TTC5: variants seen among roughly 807,000 people sequenced by gnomAD.
TTC5 encodes tetratricopeptide repeat domain 5.
Under a neutral mutation model 57.4 loss-of-function variants are expected in TTC5, and 46 were observed. The ratio of observed to expected loss-of-function variants is 0.80; its 90% CI spans 0.63 to 1.03. The LOEUF (loss-of-function observed/expected upper bound fraction) is 1.03. Among genes scored for constraint, TTC5 ranks in the 50% least tolerant of loss-of-function variants. The pLI is 0.00. For missense variants in TTC5, 504 were observed against 528.1 expected, an observed-to-expected ratio of 0.95 and a Z score of 0.45; for synonymous variants, 190 against 203.5, an observed-to-expected ratio of 0.93 and a Z score of 0.57.
At chr14:20,303,395 A>G (rs1478441111) in intron 1 of TTC5, among the ~76,000 whole-genome samples, 2 of 152,180 alleles carry the variant, frequency 1.3e-5, no homozygotes, top group Non-Finnish European at 2.9e-5. Flanking sequence ...CCAAAATCCA[A>G]AAAACTTCGA....
rs1231629405 is a variant in TTC5, at chr14:20,289,702, T to C, written c.1248A>G (p.Leu416=). The C allele has an allele frequency of 3.1e-6, 5 of 1,613,734 alleles. No homozygotes were observed. The highest frequency in any genetic ancestry group is 3.3e-5 in the Admixed American group (2 of 59,990). Residue 416 remains leucine (L), a synonymous_variant, in exon 10 of 10, where the codon CTA becomes CTG. Coordinates refer to ENST00000258821, the MANE Select transcript of TTC5 (RefSeq NM_138376.3). ...ATCCCTGAGGCTTCCCATTCACCAC[T>C]AGCAGGAGGGGCGTCTCCACTCGAA... ...SSVRVETPLL[L]VVNGKPQGSS...
In TTC5 at chr14:20,295,758, G is replaced by A; in HGVS notation, c.793C>T (p.Gln265Ter). 6.2e-7 allele frequency: 1 copy of A among 1,614,080 alleles called. No individual in the cohort carries two copies. Among genetic ancestry groups the A allele is most frequent in the East Asian group, 2.2e-5 (1 of 44,880 alleles). ...PAWPEPRQREQQLLEFLDRLT... is the reference protein window; with the variant it reads ...PAWPEPRQRE ...CTATCCAGGAATTCCAGAAGTTGTT[G>A]CTCTCGTTGCCGGGGCTCTGGCCAG... Residue 265 changes from glutamine to a stop codon, truncating the protein, a stop_gained, in exon 7 of 10, where the codon CAA (glutamine) becomes TAA (stop). Coordinates refer to ENST00000258821, the MANE Select transcript of TTC5 (RefSeq NM_138376.3). LOFTEE classifies it high-confidence loss of function.
chr14:20,289,403 G>T lies in TTC5; in HGVS notation c.*224C>A, dbSNP rs1180481584. The stretch of plus-strand genomic sequence containing the variant: ...TTAAAACATAGAGAGCAGTGGAAGA[G>T]ACAGGAGAGATATGCCAGAAGAGTA... On this transcript the variant is annotated 3_prime_UTR_variant, in exon 10 of 10. Coordinates refer to ENST00000258821, the MANE Select transcript of TTC5 (RefSeq NM_138376.3). 9.9e-6 allele frequency: 4 copies of T among 405,754 alleles called. No homozygotes were observed. The South Asian group carries it at 2.5e-4, about 25-fold the overall frequency. 25.1% of individuals were successfully genotyped at this position (405,754 alleles called of 1,614,324 possible).
rs542164926 is a variant in TTC5, at chr14:20,288,214, T to C, written c.*1413A>G. 1 of 152,324 alleles carries C rather than the reference T, an allele frequency of 6.6e-6. No homozygotes were observed. The highest frequency in any genetic ancestry group is 1.9e-4 in the East Asian group (1 of 5,180). 9.4% of individuals were successfully genotyped at this position (152,324 alleles called of 1,614,324 possible). A position where few individuals can be genotyped will look rare whatever the true frequency, so the allele number is the denominator to read the frequency against. On this transcript the variant is annotated 3_prime_UTR_variant, in exon 10 of 10. Transcript: ENST00000258821. ...ATAGATAGATAGATAGACAGATAGATAGATAAAACTTCTCTCATCAATGCA... is the reference window on the plus strand; with the variant it reads ...ATAGATAGATAGATAGACAGATAGACAGATAAAACTTCTCTCATCAATGCA...
Position 20,299,389 on chromosome 14 carries a change from G to A in TTC5, c.456C>T (p.Asp152=). 2 of 1,614,130 alleles carry A rather than the reference G, an allele frequency of 1.2e-6. No homozygotes were observed. The highest frequency in any genetic ancestry group is 1.7e-6 in the Non-Finnish European group (2 of 1,180,028). The change falls in exon 4 of 10, where the codon GAC becomes GAT. Residue 152 remains aspartate, a synonymous_variant. Transcript: ENST00000258821. The part of the protein sequence containing the change: ...LSMVLRQLRT[D]TEDEHSHHVM... ...CATGGTGAGAATGTTCATCTTCAGT[G>A]TCAGTCCGCAGCTGACGAAGCACCA...
rs533175978 is a variant in TTC5 at position 20,296,922 on chromosome 14, A to G, written c.640-476T>C. 3.3e-5 allele frequency among the ~76,000 whole-genome samples: 5 copies of G among 152,294 alleles called. No individual in the cohort carries two copies. The East Asian group carries it at 9.6e-4, about 29-fold the overall frequency. On this transcript the variant is annotated intron_variant, in intron 5 of 9. Coordinates refer to ENST00000258821, the MANE Select transcript of TTC5 (RefSeq NM_138376.3). ...CAGCTACTCAGGAGGCTGAGGTAGA[A>G]TTGTTTTAACATGGGAGGTGGAGGT...
rs1882285111 is a variant in TTC5 at position 20,305,948 on chromosome 14, C to T, written c.-11G>A. 2 of 1,614,106 alleles carry T rather than the reference C, an allele frequency of 1.2e-6. No homozygotes were observed. Among genetic ancestry groups the T allele is most frequent in the Middle Eastern group, 1.6e-4 (1 of 6,062 alleles). On this transcript the variant is annotated 5_prime_UTR_variant, in exon 1 of 10. It adds an upstream start codon to the 5' untranslated region. Transcript: ENST00000258821. ...TTCATCAGCCATCATCTCCCGGCCA[C>T]TCCACCCCCAACTTTATAACCACAG...
At chr14:20,290,003 A>C (rs1212128520) in intron 9 of TTC5, among the ~76,000 whole-genome samples, 1 of 152,220 alleles carries the variant, frequency 6.6e-6, no homozygotes, top group African/African-American at 2.4e-5. Flanking sequence ...TTGATCCAAA[A>C]AAGGCAGGTT....
At chr14:20,301,313 T>C (rs1032254664) in intron 2 of TTC5, among the ~76,000 whole-genome samples, 1 of 152,194 alleles carries the variant, frequency 6.6e-6, no homozygotes, top group Non-Finnish European at 1.5e-5. Context: ...GCCATGTTCA[T>C]GGGAGAATAG....
chr14:20,299,376 G>C lies in TTC5; in HGVS notation c.469C>G (p.His157Asp). The change falls in exon 4 of 10, where the codon CAT (histidine) becomes GAT (aspartate). Residue 157 changes from histidine to aspartate, a missense_variant. Physicochemically the swap from His to Asp is moderately conservative, Grantham distance 81 (BLOSUM62 -1). Coordinates refer to ENST00000258821, the MANE Select transcript of TTC5 (RefSeq NM_138376.3). ...RQLRTDTEDE[H>D]SHHVMDSVRQ... Reference sequence around the variant, plus strand: ...ACACTGTCCATGACATGGTGAGAATGTTCATCTTCAGTGTCAGTCCGCAGC... The same window carrying C: ...ACACTGTCCATGACATGGTGAGAATCTTCATCTTCAGTGTCAGTCCGCAGC... 1 of 1,614,130 alleles carries C rather than the reference G, an allele frequency of 6.2e-7. No homozygotes were observed. The highest frequency in any genetic ancestry group is 8.5e-7 in the Non-Finnish European group (1 of 1,180,022).
In TTC5 at chr14:20,287,374, CAT is replaced by C. The variant is rs1390662818; in HGVS notation, c.*2251_*2252del. ...AAACTTTTGCACTTACATATCAGGA[CAT>C]ATACAAGAATATTAATAATGTAGTG... is the stretch of plus-strand genomic sequence containing the variant. On this transcript the variant is annotated 3_prime_UTR_variant, in exon 10 of 10. Transcript: ENST00000258821. 6.6e-6 allele frequency: 1 copy of C among 152,068 alleles called. No individual in the cohort carries two copies. Among genetic ancestry groups the C allele is most frequent in the Non-Finnish European group, 1.5e-5 (1 of 68,016 alleles). The allele number at this position is 152,068 out of a possible 1,614,324, so 9.4% of individuals were successfully genotyped here.
intron 1 of TTC5, among the ~76,000 whole-genome samples, chr14:20,305,015 A>C (rs1882262396): frequency 6.6e-6 from 1 of 152,232 alleles, no homozygotes; most frequent in Non-Finnish European, 1.5e-5. Flanking sequence ...ATATATACAC[A>C]AATAATGTTT....
chr14:20,303,715 A>C (rs1362040436), intron 1 of TTC5, among the ~76,000 whole-genome samples: 1 of 152,204 alleles, frequency 6.6e-6, no homozygotes. Context: ...CCCATTGCAG[A>C]CAGAATAAAA....
chr14:20,296,493 A>G (rs1882066927), intron 5 of TTC5, 47 bp from the exon 6 acceptor site: 1 of 1,458,990 alleles, frequency 6.9e-7, no homozygotes, highest in Non-Finnish European at 9.6e-7. Context: ...CTCAATGTTA[A>G]GGACTGACAT....
At chr14:20,291,891 C>A in intron 9 of TTC5, 92 bp downstream of exon 9, 1 of 1,174,230 alleles carries the variant, frequency 8.5e-7, no homozygotes, top group South Asian at 2.9e-5. Context: ...CACATACTTA[C>A]ATATAATTAT....
chr14:20,303,270 C>CG (rs1218344449), intron 1 of TTC5, among the ~76,000 whole-genome samples: 1 of 151,962 alleles, frequency 6.6e-6, no homozygotes, highest in Non-Finnish European at 1.5e-5. Flanking sequence ...CCCACCTCAG[C>CG]CTCCCAAAGT....
chr14:20,290,531 TTCCAACCA>T (rs1311222903), intron 9 of TTC5, among the ~76,000 whole-genome samples: 1 of 152,210 alleles, frequency 6.6e-6, no homozygotes, highest in Admixed American at 6.5e-5. Flanking sequence ...TTTCAAAGGT[TTCCAACCA>T]GAGTTGAGAA....
intron 8 of TTC5, 105 bp downstream of exon 8, chr14:20,295,207 C>T: frequency 2.8e-6 from 3 of 1,052,876 alleles, no homozygotes; most frequent in Non-Finnish European, 4.3e-6. Context: ...TCAGAAGTCA[C>T]AAATCTGTGA....
intron 1 of TTC5, among the ~76,000 whole-genome samples, chr14:20,304,981 AT>A (rs1246042029): frequency 2.0e-5 from 3 of 152,172 alleles, no homozygotes; most frequent in Non-Finnish European, 2.9e-5. Context: ...ACCTTTTCAG[AT>A]TTTTTTCTGT....
Sources: gnomAD v4.1 joint callset for allele counts (sites outside exome capture counted in the v4.1 genomes callset) on GRCh38, gnomAD v4.1.1 for gene constraint, MANE v1.5 for transcripts, NCBI Gene and HGNC (gene_info 2026-07-23, HGNC 2026-07-21) for gene names.